TAFA2: variants seen among roughly 807,000 people sequenced by gnomAD.
TAFA2 encodes the protein TAFA chemokine like family member 2.
In TAFA2, 7 loss-of-function variants were observed where a neutral mutation model predicts 18.8. The ratio of observed to expected loss-of-function variants is 0.37; its 90% CI spans 0.21 to 0.70. TAFA2 has a LOEUF of 0.70. Among genes scored for constraint, TAFA2 ranks in the 30% least tolerant of loss-of-function variants. The probability of loss-of-function intolerance (pLI) is 0.53; values close to 1 mark genes in which losing one functional copy is unlikely to be tolerated. For missense variants in TAFA2, 122 were observed against 158.1 expected (o/e 0.77, Z 1.23); for synonymous variants, 60 against 54.2 (o/e 1.11, Z -0.47).
rs139640204 is a variant in TAFA2 at position 61,760,232 on chromosome 12, C to T, written c.107-5208G>A. 8.2e-3 allele frequency among the ~76,000 whole-genome samples: 1,243 copies of T among 150,720 alleles called. 10 individuals carry two copies. The highest frequency in any genetic ancestry group is 0.026 in the African/African-American group (1,087 of 41,172). The stretch of plus-strand genomic sequence containing the variant: ...TTATGGGGAAGAGAAGAGAGGTAAC[C>T]TTTTAAAAATAGAATAGATGATAGA... On this transcript the variant is annotated intron_variant, in intron 2 of 4. Transcript: ENST00000416284.
At chr12:61,907,941 T>C (rs1168148385) in intron 1 of TAFA2, among the ~76,000 whole-genome samples, 1 of 152,196 alleles carries the variant, frequency 6.6e-6, no homozygotes, top group Non-Finnish European at 1.5e-5. Context: ...TTTGGCCATT[T>C]CTGCTATTTG....
chr12:61,766,388 C>T (rs150065154), intron 2 of TAFA2, among the ~76,000 whole-genome samples: 21 of 152,208 alleles, frequency 1.4e-4, no homozygotes, highest in African/African-American at 5.1e-4. Context: ...ACAAAGCATA[C>T]CTTCACATCT....
chr12:62,009,399 A>G (rs980400747), intron 1 of TAFA2, among the ~76,000 whole-genome samples: 1 of 152,212 alleles, frequency 6.6e-6, no homozygotes, highest in African/African-American at 2.4e-5. Flanking sequence ...TGTAGCAGGA[A>G]CCAATAGCTG....
intron 1 of TAFA2, among the ~76,000 whole-genome samples, chr12:61,924,163 C>T (rs1482806585): frequency 1.3e-5 from 2 of 152,130 alleles, no homozygotes; most frequent in Non-Finnish European, 2.9e-5. Flanking sequence ...GGAAAACGCA[C>T]TTCAAGATAT....
At position 62,009,106 on chromosome 12, in the gene TAFA2, T is replaced by G. The variant is rs184195879; in HGVS notation, c.-1-141680A>C. On this transcript the variant is annotated intron_variant, in intron 1 of 4. Transcript: ENST00000416284. ...GAACAAAAGCAGAGCAATGAGAACT[T>G]CAGTATCTGGTCACACATAGAATCA... Among the ~76,000 whole-genome samples, 9 of 152,282 alleles carry G rather than the reference T, an allele frequency of 5.9e-5. No individual in the cohort carries two copies. In the East Asian group the frequency reaches 1.7e-3, roughly 29 times the overall value.
intron 1 of TAFA2, among the ~76,000 whole-genome samples, chr12:61,947,570 G>A (rs1878321356): frequency 6.6e-6 from 1 of 151,998 alleles, no homozygotes; most frequent in Non-Finnish European, 1.5e-5. Context: ...TTCTGCTTTG[G>A]AAATTAGCAT....
At chr12:61,831,720 C>T (rs1158165841) in intron 2 of TAFA2, among the ~76,000 whole-genome samples, 1 of 151,984 alleles carries the variant, frequency 6.6e-6, no homozygotes, top group Admixed American at 6.6e-5. Context: ...TTTTATTACA[C>T]TTTAAGTTCT....
At chr12:62,216,557 C>T (rs976735616) in intron 1 of TAFA2, among the ~76,000 whole-genome samples, 5 of 152,158 alleles carry the variant, frequency 3.3e-5, no homozygotes, top group African/African-American at 7.2e-5. Flanking sequence ...AAGGCAAACT[C>T]GATCAGAAAA....
chr12:61,754,912 C>T lies in TAFA2; in HGVS notation c.219G>A (p.Gln73=). ...QTVKCSCFPG[Q]VAGTTRAAPS... The stretch of plus-strand genomic sequence containing the variant: ...GAGCAGCTCGCGTGGTGCCTGCCAC[C>T]TGCCCAGGGAAGCAGGAGCACTTGA... The change falls in exon 3 of 5, where the codon CAG becomes CAA. Residue 73 remains glutamine (Q), a synonymous_variant. Coordinates refer to ENST00000416284, the MANE Select transcript of TAFA2 (RefSeq NM_178539.5). 1 of 1,612,966 alleles carries T rather than the reference C, an allele frequency of 6.2e-7. No individual in the cohort carries two copies. The highest frequency in any genetic ancestry group is 2.2e-5 in the East Asian group (1 of 44,702).
At chr12:62,083,611 A>G (rs1868356602) in intron 1 of TAFA2, among the ~76,000 whole-genome samples, 1 of 152,226 alleles carries the variant, frequency 6.6e-6, no homozygotes, top group South Asian at 2.1e-4. Context: ...TTTGACTACA[A>G]AGACATGAAC....
At chr12:61,835,295 T>C (rs1872875468) in intron 2 of TAFA2, among the ~76,000 whole-genome samples, 1 of 152,014 alleles carries the variant, frequency 6.6e-6, no homozygotes, top group Admixed American at 6.6e-5. Flanking sequence ...ATAGATAATT[T>C]TTACTATACT....
intron 1 of TAFA2, among the ~76,000 whole-genome samples, chr12:62,082,085 C>T (rs570464105): frequency 6.6e-6 from 1 of 152,236 alleles, no homozygotes; most frequent in Non-Finnish European, 1.5e-5. Flanking sequence ...AGGATAATGG[C>T]TTCCAACTCC....
intron 1 of TAFA2, among the ~76,000 whole-genome samples, chr12:62,019,570 A>G (rs565546618): frequency 1.3e-5 from 2 of 151,918 alleles, no homozygotes; most frequent in African/African-American, 4.8e-5. Flanking sequence ...TATCACAAGG[A>G]CAAAAAACCA....
intron 1 of TAFA2, among the ~76,000 whole-genome samples, chr12:61,873,617 C>T (rs1159032995): frequency 1.3e-5 from 2 of 152,092 alleles, no homozygotes; most frequent in Non-Finnish European, 2.9e-5. Flanking sequence ...CCTTTAGTTT[C>T]CTTATTTTTA....
intron 2 of TAFA2, among the ~76,000 whole-genome samples, chr12:61,864,495 A>C (rs2121210168): frequency 6.6e-6 from 1 of 151,594 alleles, no homozygotes; most frequent in Non-Finnish European, 1.5e-5. Context: ...GAGTGAAAAC[A>C]AAAAGCTATC....
intron 1 of TAFA2, among the ~76,000 whole-genome samples, chr12:62,209,001 G>C (rs992723118): frequency 1.3e-5 from 2 of 152,118 alleles, no homozygotes; most frequent in East Asian, 1.9e-4. Context: ...TGGTTTACTA[G>C]ATTAACAAGA....
chr12:62,061,812 T>G (rs1263551557), intron 1 of TAFA2, among the ~76,000 whole-genome samples: 4 of 152,272 alleles, frequency 2.6e-5, no homozygotes, highest in African/African-American at 7.2e-5. Flanking sequence ...ATCAGACTAT[T>G]TTTTTACTTT....
intron 1 of TAFA2, among the ~76,000 whole-genome samples, chr12:62,014,712 A>T (rs1880874938): frequency 6.6e-6 from 1 of 152,212 alleles, no homozygotes; most frequent in African/African-American, 2.4e-5. Context: ...ACAGGCCATA[A>T]AGAAACTTGA....
chr12:62,021,131 T>C (rs1235871737), intron 1 of TAFA2, among the ~76,000 whole-genome samples: 1 of 152,200 alleles, frequency 6.6e-6, no homozygotes, highest in East Asian at 1.9e-4. Flanking sequence ...AGAGGTCTAA[T>C]TATGGAGACG....
Sources: allele counts gnomAD v4.1 joint callset (sites outside exome capture counted in the v4.1 genomes callset), GRCh38; gene constraint gnomAD v4.1.1; transcripts MANE v1.5; gene names NCBI Gene and HGNC (gene_info 2026-07-23, HGNC 2026-07-21).